The following SMAD6 variants were observed in gnomAD, a reference collection of about 807,000 sequenced individuals.
The protein encoded by SMAD6 is MAD homolog 6.
SMAD6 carries 103 observed loss-of-function variants against 39.4 expected under a neutral mutation model. The observed-to-expected ratio is 2.62, with a 90% CI of 2.23 to 3.08. The LOEUF (loss-of-function observed/expected upper bound fraction) is 3.08, where lower values mean the gene tolerates loss of function less well. Ranked by LOEUF, SMAD6 falls within the 30% of genes most tolerant of loss-of-function variation. The pLI is 0.00. For synonymous variants in SMAD6, 445 were observed against 353.3 expected, an observed-to-expected ratio of 1.26 and a Z score of -2.91; for missense variants, 1,104 against 742.9, an observed-to-expected ratio of 1.49 and a Z score of -5.65.
Position 66,703,300 on chromosome 15 carries a change from G to T in SMAD6, c.42G>T (p.Trp14Cys), listed in dbSNP as rs1246889300. The change falls in exon 1 of 4, where the codon TGG becomes TGT. Residue 14 changes from tryptophan (W) to cysteine (C), a missense_variant. Coordinates refer to ENST00000288840, the MANE Select transcript of SMAD6 (RefSeq NM_005585.5). ...SKRSGLVRRL[W>C]RSRVVPDREE... ...GCTCGGGGCTGGTGCGGCGACTTTG[G>T]CGAAGTCGTGTGGTCCCCGACCGGG... 1.3e-6 allele frequency: 2 copies of T among 1,492,070 alleles called. No homozygotes were observed. Among genetic ancestry groups the T allele is most frequent in the Non-Finnish European group, 1.8e-6 (2 of 1,120,370 alleles). The allele number at this position is 1,492,070 out of a possible 1,614,324, so 92.4% of individuals were successfully genotyped here.
At chr15:66,773,151 A>G (rs1316166890) in intron 3 of SMAD6, among the ~76,000 whole-genome samples, 1 of 139,098 alleles carries the variant, frequency 7.2e-6, no homozygotes, top group Non-Finnish European at 1.5e-5. Context: ...ATGACCGATT[A>G]GGAACTTCCC....
At chr15:66,749,434 GACA>G (rs998634286) in intron 3 of SMAD6, among the ~76,000 whole-genome samples, 5 of 152,118 alleles carry the variant, frequency 3.3e-5, no homozygotes, top group African/African-American at 1.2e-4. Context: ...CTCCAGCCTG[GACA>G]ACAAGAGCAA....
In SMAD6 at chr15:66,703,769, GA is replaced by G; in HGVS notation, c.513del (p.Glu171AspfsTer10). On this transcript the variant is annotated frameshift_variant, in exon 1 of 4. Coordinates refer to ENST00000288840, the MANE Select transcript of SMAD6 (RefSeq NM_005585.5). LOFTEE classifies it high-confidence loss of function. ...ARSRLLLLEQ[E>X]LKTVTYSLLK... ...CTCGCGGCTGCTGCTGCTGGAGCAG[GA>G]ACTCAAAACCGTCACGTACTCGCTG... is the stretch of plus-strand genomic sequence containing the variant. The G allele has an allele frequency of 7.0e-7, 1 of 1,423,700 alleles. No individual in the cohort carries two copies. The highest frequency in any genetic ancestry group is 9.3e-7 in the Non-Finnish European group (1 of 1,077,116). The allele number at this position is 1,423,700 out of a possible 1,614,324, so 88.2% of individuals were successfully genotyped here.
chr15:66,760,737 C>T (rs1894183426), intron 3 of SMAD6, among the ~76,000 whole-genome samples: 1 of 152,190 alleles, frequency 6.6e-6, no homozygotes, highest in Non-Finnish European at 1.5e-5. Flanking sequence ...CTAGTCAGGG[C>T]CATCCGTGAC....
At chr15:66,713,376 G>A (rs111369636) in intron 2 of SMAD6, among the ~76,000 whole-genome samples, 36,195 of 152,112 alleles carry the variant, frequency 0.24, 4,354 homozygotes, top group Middle Eastern at 0.35. Context: ...CTGGAGTGCA[G>A]TGGCGTGAAT....
chr15:66,729,742 T>G (rs1478794170), intron 3 of SMAD6, among the ~76,000 whole-genome samples: 1 of 152,192 alleles, frequency 6.6e-6, no homozygotes, highest in Non-Finnish European at 1.5e-5. Context: ...TTTATAGGCT[T>G]GATTCACGAC....
intron 3 of SMAD6, among the ~76,000 whole-genome samples, chr15:66,754,742 GA>G (rs1567108581): frequency 6.6e-6 from 1 of 152,180 alleles, no homozygotes; most frequent in African/African-American, 2.4e-5. Flanking sequence ...TTTACAGATG[GA>G]TTCACTGCAG....
Position 66,718,111 on chromosome 15 carries a change from CGTGTGTGTGTGT to C in SMAD6, c.952+1642_952+1653del, listed in dbSNP as rs57053370. On this transcript the variant is annotated intron_variant, in intron 3 of 3. Transcript: ENST00000288840. ...TCCCTATTGTTAATGATGGAAAGTC[CGTGTGTGTGTGT>C]GTGTGTGTGTGTGTGTGTGTGTGTG... Among the ~76,000 whole-genome samples, 464 of 137,258 alleles carry C rather than the reference CGTGTGTGTGTGT, an allele frequency of 3.4e-3. 1 individual carries two copies. The highest frequency in any genetic ancestry group is 7.1e-3 in the Middle Eastern group (2 of 280). The allele number at this position is 137,258 out of a possible 152,430, so 90.0% of individuals were successfully genotyped here.
Position 66,781,557 on chromosome 15 carries a change from C to A in SMAD6, c.*22C>A. 1.6e-6 allele frequency: 1 copy of A among 614,952 alleles called. No homozygotes were observed. The highest frequency in any genetic ancestry group is 2.6e-6 in the Non-Finnish European group (1 of 389,958). 38.1% of individuals were successfully genotyped at this position (614,952 alleles called of 1,614,324 possible). On this transcript the variant is annotated 3_prime_UTR_variant, in exon 4 of 4. Transcript: ENST00000288840. ...ATAGTGGCGGCCCCGGCGGGAGGGG[C>A]GGGTGGGAGGCCGCGGCCACCGCCA...
chr15:66,743,208 A>G (rs770277159), intron 3 of SMAD6, among the ~76,000 whole-genome samples: 1 of 152,092 alleles, frequency 6.6e-6, no homozygotes, highest in African/African-American at 2.4e-5. Flanking sequence ...GTTTGCAGTG[A>G]GAGTGGCAGC....
chr15:66,729,920 G>A (rs1477287417), intron 3 of SMAD6, among the ~76,000 whole-genome samples: 1 of 152,158 alleles, frequency 6.6e-6, no homozygotes, highest in African/African-American at 2.4e-5. Flanking sequence ...AGAAGGGGCG[G>A]GGAGGGGGTG....
rs1893062172 is a variant in SMAD6 at position 66,704,356 on chromosome 15, A to G, written c.817+281A>G. 6 of 314,502 alleles carry G rather than the reference A, an allele frequency of 1.9e-5. No individual in the cohort carries two copies. The Admixed American group carries it at 2.0e-4, about 11-fold the overall frequency. The allele number at this position is 314,502 out of a possible 1,614,324, so 19.5% of individuals were successfully genotyped here. The stretch of plus-strand genomic sequence containing the variant: ...TTTCAGGGACATGATGTAGGCTCCA[A>G]CTTCATAGGCAGTGAAAGGGGAGGG... On this transcript the variant is annotated intron_variant, in intron 1 of 3. Coordinates refer to ENST00000288840, the MANE Select transcript of SMAD6 (RefSeq NM_005585.5).
chr15:66,761,468 G>A (rs115059375), intron 3 of SMAD6, among the ~76,000 whole-genome samples: 2,438 of 152,312 alleles, frequency 0.016, 68 homozygotes, highest in African/African-American at 0.056. Context: ...GAGTTGTTCC[G>A]ACAGCGATGT....
At chr15:66,709,944 A>G (rs1186092055) in intron 1 of SMAD6, among the ~76,000 whole-genome samples, 2 of 152,134 alleles carry the variant, frequency 1.3e-5, no homozygotes, top group Non-Finnish European at 2.9e-5. Context: ...GATGCATTCA[A>G]CTTTACCATT....
At chr15:66,746,714 T>C (rs190293771) in intron 3 of SMAD6, among the ~76,000 whole-genome samples, 1 of 152,276 alleles carries the variant, frequency 6.6e-6, no homozygotes, top group African/African-American at 2.4e-5. Flanking sequence ...TGATTTTGTG[T>C]CCCTGGTGGG....
intron 1 of SMAD6, among the ~76,000 whole-genome samples, chr15:66,709,743 A>C (rs915749618): frequency 3.9e-5 from 6 of 152,128 alleles, no homozygotes; most frequent in Non-Finnish European, 7.4e-5. Context: ...CTCCTGAGGG[A>C]GTCACTTCCA....
At chr15:66,711,240 G>A (rs985294307) in intron 1 of SMAD6, among the ~76,000 whole-genome samples, 3 of 152,134 alleles carry the variant, frequency 2.0e-5, no homozygotes, top group Non-Finnish European at 4.4e-5. Flanking sequence ...AGCAACCCTG[G>A]CTCTGACTTT....
chr15:66,756,094 CCTT>C (rs1352403703), intron 3 of SMAD6, among the ~76,000 whole-genome samples: 1 of 151,838 alleles, frequency 6.6e-6, no homozygotes, highest in East Asian at 1.9e-4. Flanking sequence ...ACTTTTTCCT[CCTT>C]CTTCCCCACA....
intron 3 of SMAD6, among the ~76,000 whole-genome samples, chr15:66,723,831 G>A (rs1893476650): frequency 1.3e-5 from 2 of 152,204 alleles, no homozygotes; most frequent in South Asian, 4.1e-4. Context: ...GAGGCAGACA[G>A]CAAACAGACA....
Sources: gnomAD v4.1 joint callset for allele counts (sites outside exome capture counted in the v4.1 genomes callset) on GRCh38, gnomAD v4.1.1 for gene constraint, MANE v1.5 for transcripts, NCBI Gene and HGNC (gene_info 2026-07-23, HGNC 2026-07-21) for gene names.